The following TCF7L1 variants were observed in gnomAD, a reference collection of about 807,000 sequenced individuals.
TCF7L1 encodes transcription factor 7-like 1.
A neutral mutation model predicts 63.7 loss-of-function variants in TCF7L1; 18 were observed. The ratio of observed to expected loss-of-function variants is 0.28; its 90% CI spans 0.20 to 0.42. The LOEUF (loss-of-function observed/expected upper bound fraction) is 0.42. Among genes scored for constraint, TCF7L1 ranks in the 10% least tolerant of loss-of-function variants. TCF7L1 has a pLI of 1.00. For missense variants in TCF7L1, 654 were observed against 779.3 expected (o/e 0.84, Z 1.91); for synonymous variants, 355 against 340.9 (o/e 1.04, Z -0.46).
intron 3 of TCF7L1, among the ~76,000 whole-genome samples, chr2:85,168,224 A>ACAC (rs1558622099): frequency 2.1e-5 from 2 of 96,340 alleles, no homozygotes; most frequent in Non-Finnish European, 5.1e-5. Flanking sequence ...CACACACACA[A>ACAC]AGGGACACAA....
In TCF7L1 at chr2:85,200,818, ATACCTGCGACACTTGAGT is replaced by A. The variant is rs571431801; in HGVS notation, c.441+66406_441+66423del. Among the ~76,000 whole-genome samples, 258 of 152,224 alleles carry A rather than the reference ATACCTGCGACACTTGAGT, an allele frequency of 1.7e-3. 2 individuals are homozygous for A. In the East Asian group the frequency reaches 0.03, roughly 17 times the overall value. On this transcript the variant is annotated intron_variant, in intron 3 of 11. Transcript: ENST00000282111. ...GAGATCACTAGCATCTAGCTGTTGG[ATACCTGCGACACTTGAGT>A]TACCTGCGACACTTGAGTTACCTGC...
intron 3 of TCF7L1, among the ~76,000 whole-genome samples, chr2:85,166,755 C>T (rs903874605): frequency 4.6e-5 from 7 of 152,234 alleles, no homozygotes; most frequent in African/African-American, 1.7e-4. Flanking sequence ...CAAAGCTGGT[C>T]ATGGGTTGAT....
chr2:85,182,738 C>T (rs1262297169), intron 3 of TCF7L1, among the ~76,000 whole-genome samples: 2 of 152,350 alleles, frequency 1.3e-5, no homozygotes, highest in South Asian at 2.1e-4. Flanking sequence ...CTCCCCATCA[C>T]GGTCCAATGC....
chr2:85,276,140 G>A (rs1002497615), intron 3 of TCF7L1, among the ~76,000 whole-genome samples: 2 of 152,076 alleles, frequency 1.3e-5, no homozygotes, highest in African/African-American at 4.8e-5. Context: ...TTACACTTTC[G>A]TTTTCTCTTA....
chr2:85,191,501 C>T (rs1304914070), intron 3 of TCF7L1, among the ~76,000 whole-genome samples: 1 of 152,202 alleles, frequency 6.6e-6, no homozygotes, highest in Non-Finnish European at 1.5e-5. Flanking sequence ...TATTTGCATG[C>T]TGTGTGCTCT....
chr2:85,181,373 G>A (rs1425993242), intron 3 of TCF7L1, among the ~76,000 whole-genome samples: 1 of 152,230 alleles, frequency 6.6e-6, no homozygotes, highest in Non-Finnish European at 1.5e-5. Context: ...TGCTTTGGAG[G>A]GTAGAAGGAC....
intron 3 of TCF7L1, among the ~76,000 whole-genome samples, chr2:85,280,709 G>A (rs1480831352): frequency 1.3e-5 from 2 of 152,140 alleles, no homozygotes; most frequent in African/African-American, 4.8e-5. Context: ...CTAGAAAAAC[G>A]AGTGTGGTGT....
intron 3 of TCF7L1, among the ~76,000 whole-genome samples, chr2:85,205,663 C>T (rs1303501373): frequency 1.3e-5 from 2 of 152,030 alleles, no homozygotes; most frequent in South Asian, 2.1e-4. Context: ...TCCCAAGTAG[C>T]TTGGATTACA....
intron 7 of TCF7L1, 44 bp downstream of exon 7, chr2:85,304,382 C>T (rs372727618): frequency 9.1e-5 from 145 of 1,596,364 alleles, no homozygotes; most frequent in Non-Finnish European, 1.2e-4. Flanking sequence ...GTCTTAGCAA[C>T]CACGCCATTT....
Position 85,222,360 on chromosome 2 carries a change from C to CA in TCF7L1, c.442-61132dup, listed in dbSNP as rs1276362592. ...CATCTCAAAAAAAAAAACAAACAAA[C>CA]AAACAAAAAAAAAAACACTAAAGGC... On this transcript the variant is annotated intron_variant, in intron 3 of 11. Coordinates refer to ENST00000282111, the MANE Select transcript of TCF7L1 (RefSeq NM_031283.3). 7.0e-5 allele frequency among the ~76,000 whole-genome samples: 9 copies of CA among 127,878 alleles called. No individual in the cohort carries two copies. The South Asian group carries it at 1.0e-3, about 15-fold the overall frequency. The allele number at this position is 127,878 out of a possible 152,430, so 83.9% of individuals were successfully genotyped here.
intron 3 of TCF7L1, among the ~76,000 whole-genome samples, chr2:85,136,333 T>C (rs1266651378): frequency 3.3e-5 from 5 of 152,144 alleles, no homozygotes; most frequent in Admixed American, 1.3e-4. Flanking sequence ...TAGTGTCCCC[T>C]CCTTCCTTCC....
chr2:85,308,461 C>CCCTCCCTCCT (rs1682188999), intron 11 of TCF7L1, among the ~76,000 whole-genome samples: 1 of 78,750 alleles, frequency 1.3e-5, no homozygotes, highest in African/African-American at 5.3e-5. Context: ...CCCTCCCTCT[C>CCCTCCCTCCT]TTTCCCTCCC....
intron 3 of TCF7L1, among the ~76,000 whole-genome samples, chr2:85,172,139 C>T (rs192054008): frequency 4.6e-5 from 7 of 152,254 alleles, no homozygotes; most frequent in Non-Finnish European, 7.4e-5. Flanking sequence ...AGGGGAGCCC[C>T]GCAGTGCTTC....
intron 3 of TCF7L1, among the ~76,000 whole-genome samples, chr2:85,280,257 G>A (rs371012436): frequency 2.9e-4 from 44 of 152,104 alleles, no homozygotes; most frequent in African/African-American, 9.7e-4. Context: ...TAGTATTATA[G>A]TTAGAGGCCA....
intron 11 of TCF7L1, among the ~76,000 whole-genome samples, chr2:85,308,244 A>G (rs527270527): frequency 7.4e-4 from 112 of 152,182 alleles, no homozygotes; most frequent in African/African-American, 2.7e-3. Flanking sequence ...CACTGTGACG[A>G]TTATTATTAA....
chr2:85,175,505 C>G (rs972869619), intron 3 of TCF7L1, among the ~76,000 whole-genome samples: 1 of 152,170 alleles, frequency 6.6e-6, no homozygotes, highest in African/African-American at 2.4e-5. Context: ...TAGGCTTGAG[C>G]ATGGGTAGCC....
At chr2:85,267,783 G>A (rs80275403) in intron 3 of TCF7L1, among the ~76,000 whole-genome samples, 1 of 152,270 alleles carries the variant, frequency 6.6e-6, no homozygotes, top group East Asian at 1.9e-4. Flanking sequence ...GGCTGTGGGG[G>A]TTAAACGAAA....
chr2:85,310,315 G>GT lies in TCF7L1; in HGVS notation c.*858dup, dbSNP rs1682248624. On this transcript the variant is annotated 3_prime_UTR_variant, in exon 12 of 12. Transcript: ENST00000282111. ...GTGTGTATTTCTTTTTGTTTTTATG[G>GT]TTTTTGGAGCAATTTAAACTCCCAG... is the stretch of plus-strand genomic sequence containing the variant. 1 of 152,500 alleles carries GT rather than the reference G, an allele frequency of 6.6e-6. No homozygotes were observed. Among genetic ancestry groups the GT allele is most frequent in the South Asian group, 2.1e-4 (1 of 4,830 alleles). 9.4% of individuals were successfully genotyped at this position (152,500 alleles called of 1,614,324 possible). A position where few individuals can be genotyped will look rare whatever the true frequency, so the allele number is the denominator to read the frequency against.
intron 3 of TCF7L1, among the ~76,000 whole-genome samples, chr2:85,181,474 G>A (rs1055076361): frequency 3.3e-5 from 5 of 152,146 alleles, no homozygotes; most frequent in Non-Finnish European, 5.9e-5. Flanking sequence ...CAAGTAGCCC[G>A]GAGGAAAAAA....
Sources: allele counts gnomAD v4.1 joint callset (sites outside exome capture counted in the v4.1 genomes callset), GRCh38; gene constraint gnomAD v4.1.1; transcripts MANE v1.5; gene names NCBI Gene and HGNC (gene_info 2026-07-23, HGNC 2026-07-21).